CFAP47: variants seen among roughly 807,000 people sequenced by gnomAD.
CFAP47 encodes the protein cilia- and flagella-associated protein 47.
A neutral mutation model predicts 148.1 loss-of-function variants in CFAP47; 29 were observed. The ratio of observed to expected loss-of-function variants is 0.20; its 90% CI spans 0.15 to 0.27. The LOEUF (loss-of-function observed/expected upper bound fraction) is 0.27, where lower values mean the gene tolerates loss of function less well. Ranked by LOEUF, CFAP47 falls within the 10% of genes least tolerant of loss-of-function variation. CFAP47 has a pLI of 1.00. For synonymous variants in CFAP47, 664 were observed against 577.3 expected (o/e 1.15, Z -2.15); for missense variants, 1,872 against 1,697.5 (o/e 1.10, Z -1.81).
chrX:36,246,063 A>G (rs782203237), intron 48 of CFAP47, among the ~76,000 whole-genome samples: 1 of 111,776 alleles, frequency 8.9e-6, no homozygotes, highest in Non-Finnish European at 1.9e-5. Context: ...CAAAAATTTT[A>G]TTAAGGATCT....
At chrX:36,236,926 A>G in intron 48 of CFAP47, 67 bp downstream of exon 48, 1 of 411,210 alleles carries the variant, frequency 2.4e-6, no homozygotes, top group East Asian at 4.2e-5. Context: ...AAATATAATA[A>G]TTACAAACAA....
At chrX:36,196,519 TC>T (rs1939922599) in intron 42 of CFAP47, among the ~76,000 whole-genome samples, 1 of 111,294 alleles carries the variant, frequency 9.0e-6, no homozygotes, top group African/African-American at 3.3e-5. Flanking sequence ...CTAGAGGGCA[TC>T]CGTGACTTGT....
chrX:36,095,338 A>G (rs1601974457), intron 30 of CFAP47, among the ~76,000 whole-genome samples: 1 of 111,906 alleles, frequency 8.9e-6, no homozygotes, highest in East Asian at 2.8e-4. Context: ...GGGATATTGG[A>G]CTGTAGCATT....
chrX:36,059,302 T>G (rs1937576527), intron 26 of CFAP47, among the ~76,000 whole-genome samples: 1 of 111,816 alleles, frequency 8.9e-6, no homozygotes, highest in Non-Finnish European at 1.9e-5. Context: ...ACACTATTCT[T>G]GGAATGAAAA....
At chrX:36,076,049 A>G (rs772795868) in intron 29 of CFAP47, among the ~76,000 whole-genome samples, 3 of 111,647 alleles carry the variant, frequency 2.7e-5, no homozygotes, top group African/African-American at 9.8e-5. Context: ...ATACCCCACA[A>G]TGGGATTGCT....
intron 22 of CFAP47, among the ~76,000 whole-genome samples, chrX:36,028,790 C>A (rs1937250141): frequency 9.0e-6 from 1 of 110,810 alleles, no homozygotes; most frequent in Non-Finnish European, 1.9e-5. Context: ...TATCAATGAG[C>A]AGGGATAGTT....
chrX:36,172,802 T>C (rs1257642809), intron 39 of CFAP47, among the ~76,000 whole-genome samples: 1 of 111,966 alleles, frequency 8.9e-6, no homozygotes, highest in Non-Finnish European at 1.9e-5. Context: ...ATCAGGATGA[T>C]GCTGGCCTCA....
intron 45 of CFAP47, among the ~76,000 whole-genome samples, chrX:36,219,931 T>G (rs2146894768): frequency 9.0e-6 from 1 of 111,487 alleles, no homozygotes; most frequent in East Asian, 2.8e-4. Context: ...CGGGTGTGCA[T>G]CCTCAACCTT....
intron 1 of CFAP47, among the ~76,000 whole-genome samples, chrX:35,924,159 A>G (rs867901499): frequency 0.051 from 4,072 of 79,988 alleles, 195 homozygotes; most frequent in African/African-American, 0.07. Flanking sequence ...GCGTACATAT[A>G]TGTATATATG....
chrX:35,948,435 T>G lies in CFAP47; in HGVS notation c.639T>G (p.Ile213Met). Residue 213 changes from isoleucine to methionine, a missense_variant, in exon 4 of 64, where the codon ATT becomes ATG. By Grantham distance (10) the Ile-to-Met change is conservative. Transcript: ENST00000378653. ...KVDFCADQPRIVDEEAIVILQ... is the reference protein window; with the variant it reads ...KVDFCADQPRMVDEEAIVILQ... ...ATTTCTGTGCAGACCAGCCAAGAAT[T>G]GTAGATGAAGAGGCAATGTGAGTAT... 3.3e-6 allele frequency: 4 copies of G among 1,203,260 alleles called. No homozygotes were observed. Among genetic ancestry groups the G allele is most frequent in the Non-Finnish European group, 4.5e-6 (4 of 888,860 alleles).
At chrX:36,014,965 A>C (rs932775586) in intron 22 of CFAP47, 53 bp downstream of exon 22, 1 of 281,885 alleles carries the variant, frequency 3.5e-6, no homozygotes, top group African/African-American at 2.8e-5. Context: ...ATTTACACTT[A>C]AGTGTCTAAA....
Position 36,367,016 on chromosome X carries a change from T to G in CFAP47, c.9074T>G (p.Phe3025Cys), listed in dbSNP as rs1251655118. 2 of 1,154,979 alleles carry G rather than the reference T, an allele frequency of 1.7e-6. No individual in the cohort carries two copies. Among genetic ancestry groups the G allele is most frequent in the Admixed American group, 5.3e-5 (2 of 37,830 alleles). The change falls in exon 62 of 64, where the codon TTT becomes TGT. Residue 3025 changes from phenylalanine (F) to cysteine (C), a missense_variant. Phe to Cys is a radical substitution (Grantham distance 205, BLOSUM62 -2). Transcript: ENST00000378653. ...TGCGTAACAGAAGGGATCTGGAAGT[T>G]TCCCATAATGTTGATCGCTACTGAA... ...IECVTEGIWK[F>C]PIMLIATEPD... is the part of the protein sequence containing the mutation.
chrX:35,919,981 C>T lies in CFAP47; in HGVS notation c.182C>T (p.Pro61Leu), dbSNP rs1935551702. ...ATGGCCGGGAGGGTGTACCGCCTCC[C>T]GATTACTGTGCATAATATTTGCCGC... ...DTMAGRVYRLPITVHNICRWN... is the reference protein window; with the variant it reads ...DTMAGRVYRLLITVHNICRWN... Residue 61 changes from proline to leucine, a missense_variant, in exon 1 of 64, where the codon CCG becomes CTG. Physicochemically the swap from Pro to Leu is moderately conservative, Grantham distance 98. Coordinates refer to ENST00000378653, the MANE Select transcript of CFAP47 (RefSeq NM_001304548.2). 1 of 1,207,050 alleles carries T rather than the reference C, an allele frequency of 8.3e-7. No homozygotes were observed. Among genetic ancestry groups the T allele is most frequent in the Admixed American group, 2.2e-5 (1 of 45,518 alleles).
At chrX:35,960,228 C>G (rs1936305737) in intron 8 of CFAP47, among the ~76,000 whole-genome samples, 1 of 107,453 alleles carries the variant, frequency 9.3e-6, no homozygotes, top group African/African-American at 3.4e-5. Context: ...GTGTGAGCCA[C>G]TGCGCCCGGC....
intron 39 of CFAP47, among the ~76,000 whole-genome samples, chrX:36,175,718 A>T (rs1371566437): frequency 4.5e-5 from 5 of 112,298 alleles, no homozygotes; most frequent in African/African-American, 1.6e-4. Flanking sequence ...TCAGACAGGG[A>T]CATTTAAGTC....
chrX:36,215,409 G>T (rs1283161888), intron 45 of CFAP47, among the ~76,000 whole-genome samples: 1 of 110,961 alleles, frequency 9.0e-6, no homozygotes, highest in Non-Finnish European at 1.9e-5. Flanking sequence ...CAAGGCAAAA[G>T]GAGCCTGAAA....
chrX:36,127,362 A>G (rs1281435809), intron 33 of CFAP47, among the ~76,000 whole-genome samples: 1 of 111,607 alleles, frequency 9.0e-6, no homozygotes, highest in African/African-American at 3.3e-5. Context: ...TCTTTTCCCC[A>G]TTGCTTGTTT....
At chrX:36,322,616 G>C (rs5972039) in intron 57 of CFAP47, among the ~76,000 whole-genome samples, 5,653 of 110,767 alleles carry the variant, frequency 0.051, 390 homozygotes, top group African/African-American at 0.18. Flanking sequence ...ATTTTAGCTT[G>C]AAAAATAGAA....
At chrX:35,969,836 T>C (rs1474511519) in intron 10 of CFAP47, among the ~76,000 whole-genome samples, 1 of 112,356 alleles carries the variant, frequency 8.9e-6, no homozygotes, top group Non-Finnish European at 1.9e-5. Flanking sequence ...CTGTAAACAT[T>C]GAGGAATTGT....
Sources: gnomAD v4.1 joint callset for allele counts (sites outside exome capture counted in the v4.1 genomes callset) on GRCh38, gnomAD v4.1.1 for gene constraint, MANE v1.5 for transcripts, NCBI Gene and HGNC (gene_info 2026-07-23, HGNC 2026-07-21) for gene names.